PSMF1: variants seen among roughly 807,000 people sequenced by gnomAD.
The protein encoded by PSMF1 is proteasome inhibitor subunit 1.
A neutral mutation model predicts 29.3 loss-of-function variants in PSMF1; 30 were observed. That is an observed-to-expected ratio of 1.02 (90% CI 0.77 to 1.39). The LOEUF is 1.39. PSMF1 is among the 40% of genes most tolerant of loss of function. PSMF1 has a pLI of 0.00. For missense variants in PSMF1, 344 were observed against 357.5 expected (o/e 0.96, Z 0.31); for synonymous variants, 134 against 139.7 (o/e 0.96, Z 0.29).
chr20:1,135,574 T>C (rs2086296215), intron 4 of PSMF1, among the ~76,000 whole-genome samples: 1 of 152,188 alleles, frequency 6.6e-6, no homozygotes, highest in Non-Finnish European at 1.5e-5. Context: ...TGTCCAAGGA[T>C]CAGTGCCTCT....
intron 3 of PSMF1, among the ~76,000 whole-genome samples, chr20:1,133,571 T>TATATATATA (rs1568469077): frequency 4.5e-5 from 2 of 44,110 alleles, no homozygotes; most frequent in Non-Finnish European, 1.0e-4. Context: ...ATATATATAT[T>TATATATATA]TTTTTTTTTT....
At chr20:1,143,965 T>C (rs1335087889) in intron 4 of PSMF1, among the ~76,000 whole-genome samples, 1 of 152,134 alleles carries the variant, frequency 6.6e-6, no homozygotes, top group Non-Finnish European at 1.5e-5. Flanking sequence ...GGTGCATGCC[T>C]GTAGTCCCAG....
chr20:1,136,262 G>A (rs1484198556), intron 4 of PSMF1, among the ~76,000 whole-genome samples: 1 of 152,134 alleles, frequency 6.6e-6, no homozygotes, highest in African/African-American at 2.4e-5. Context: ...AAGATGACCT[G>A]CCTGAGTTCG....
intron 1 of PSMF1, 54 bp downstream of exon 1, chr20:1,118,956 C>G: frequency 6.3e-7 from 1 of 1,597,534 alleles, no homozygotes; most frequent in Non-Finnish European, 8.5e-7. Context: ...TGCCCAAACT[C>G]AGAGTACCGG....
rs1311800612 is a variant in PSMF1 at position 1,133,555 on chromosome 20, G to GTATATATATATATATATA, written c.366-1551_366-1550insATATATATATATATATAT. On this transcript the variant is annotated intron_variant, in intron 3 of 6. Transcript: ENST00000335877. ...ATAGGATATACTAGTCTATATATGT[G>GTATATATATATATATATA]TATATATATATATATTTTTTTTTTT... Among the ~76,000 whole-genome samples, 115 of 53,890 alleles carry GTATATATATATATATATA rather than the reference G, an allele frequency of 2.1e-3. 3 individuals are homozygous for GTATATATATATATATATA. The highest frequency in any genetic ancestry group is 5.2e-3 in the African/African-American group (82 of 15,680). The allele number at this position is 53,890 out of a possible 152,430, so 35.4% of individuals were successfully genotyped here.
chr20:1,143,520 G>A (rs944283422), intron 4 of PSMF1, among the ~76,000 whole-genome samples: 1 of 152,188 alleles, frequency 6.6e-6, no homozygotes, highest in African/African-American at 2.4e-5. Flanking sequence ...CAATACCACA[G>A]CACTCCTAGA....
At chr20:1,132,307 T>C (rs1360125895) in intron 3 of PSMF1, among the ~76,000 whole-genome samples, 1 of 151,604 alleles carries the variant, frequency 6.6e-6, no homozygotes, top group Admixed American at 6.6e-5. Context: ...TCACTGTGTC[T>C]CAAAAAGGCT....
intron 4 of PSMF1, among the ~76,000 whole-genome samples, chr20:1,140,502 A>G (rs1426514913): frequency 1.3e-5 from 2 of 152,202 alleles, no homozygotes; most frequent in African/African-American, 4.8e-5. Flanking sequence ...AAATAAGTCT[A>G]CCTTGGGTAG....
At position 1,165,666 on chromosome 20, in the gene PSMF1, G is replaced by A. The variant is rs370335266; in HGVS notation, c.*586G>A. The A allele has an allele frequency of 8.0e-6, 8 of 997,878 alleles. No individual in the cohort carries two copies. The highest frequency in any genetic ancestry group is 5.2e-4 in the Middle Eastern group (1 of 1,938). 61.8% of individuals were successfully genotyped at this position (997,878 alleles called of 1,614,324 possible). A position where few individuals can be genotyped will look rare whatever the true frequency, so the allele number is the denominator to read the frequency against. The stretch of plus-strand genomic sequence containing the variant: ...GGGTCCCCTTCTGGCTGCATGAATG[G>A]AAATGAGTGACTGGAAATCCCATAG... On this transcript the variant is annotated 3_prime_UTR_variant, in exon 7 of 7. Coordinates refer to ENST00000335877, the MANE Select transcript of PSMF1 (RefSeq NM_006814.5).
chr20:1,161,016 G>A (rs555167231), intron 4 of PSMF1: 3 of 382,398 alleles, frequency 7.8e-6, no homozygotes, highest in African/African-American at 2.1e-5. Context: ...GCCTCTGGGC[G>A]CACCACTGGC....
chr20:1,125,215 G>A (rs546825477), intron 1 of PSMF1, among the ~76,000 whole-genome samples: 51 of 152,292 alleles, frequency 3.3e-4, no homozygotes, highest in Non-Finnish European at 6.2e-4. Context: ...GCAGTGGGAT[G>A]GGGAAGAGAT....
At chr20:1,142,232 A>T (rs2086390812) in intron 4 of PSMF1, among the ~76,000 whole-genome samples, 1 of 152,120 alleles carries the variant, frequency 6.6e-6, no homozygotes, top group Non-Finnish European at 1.5e-5. Context: ...TTCCCAAAAC[A>T]AAACAAAACA....
At chr20:1,153,383 C>T (rs2086555468) in intron 4 of PSMF1, among the ~76,000 whole-genome samples, 1 of 151,918 alleles carries the variant, frequency 6.6e-6, no homozygotes, top group Non-Finnish European at 1.5e-5. Flanking sequence ...TCCATAAGAC[C>T]TTCTGCATTT....
intron 4 of PSMF1, among the ~76,000 whole-genome samples, chr20:1,154,437 C>T (rs775075052): frequency 3.3e-5 from 5 of 152,210 alleles, no homozygotes; most frequent in South Asian, 2.1e-4. Flanking sequence ...TCTGTTTGCT[C>T]AGGGCCCTGT....
chr20:1,126,033 C>G, intron 2 of PSMF1: 3 of 451,072 alleles, frequency 6.7e-6, no homozygotes, highest in South Asian at 3.1e-5. Context: ...GGCTCTTCCC[C>G]TCCCCCATCT....
chr20:1,140,197 A>G (rs888197182), intron 4 of PSMF1, among the ~76,000 whole-genome samples: 6 of 152,244 alleles, frequency 3.9e-5, no homozygotes, highest in Admixed American at 6.5e-5. Context: ...TCCCTATTTC[A>G]AAACTTATTA....
intron 3 of PSMF1, among the ~76,000 whole-genome samples, chr20:1,133,757 G>T (rs1160098039): frequency 7.3e-5 from 11 of 150,534 alleles, no homozygotes; most frequent in African/African-American, 2.7e-4. Flanking sequence ...GAGATTTTTG[G>T]TTTTTGTTTT....
At chr20:1,134,084 CTTT>C (rs3034767) in intron 3 of PSMF1, among the ~76,000 whole-genome samples, 22,121 of 150,722 alleles carry the variant, frequency 0.15, 2,018 homozygotes, top group Admixed American at 0.21. Flanking sequence ...TCTTGTTTTT[CTTT>C]TTTATTGACT....
chr20:1,134,429 A>G (rs945955354), intron 3 of PSMF1, among the ~76,000 whole-genome samples: 6 of 152,188 alleles, frequency 3.9e-5, no homozygotes, highest in African/African-American at 1.4e-4. Flanking sequence ...GTTGGAGAAC[A>G]TACTTTATAT....
Sources: gnomAD v4.1 joint callset for allele counts (sites outside exome capture counted in the v4.1 genomes callset) on GRCh38, gnomAD v4.1.1 for gene constraint, MANE v1.5 for transcripts, NCBI Gene and HGNC (gene_info 2026-07-23, HGNC 2026-07-21) for gene names.